The following CCNY variants were observed in gnomAD, a reference collection of about 807,000 sequenced individuals.
The protein encoded by CCNY is cyclin Y, also known as cyclin-Y.
A neutral mutation model predicts 42.8 loss-of-function variants in CCNY; 19 were observed. The observed-to-expected ratio is 0.44, with a 90% CI of 0.31 to 0.65. CCNY has a LOEUF of 0.65. CCNY is among the 30% of genes least tolerant of loss of function. The probability of loss-of-function intolerance (pLI) is 0.07; values close to 1 mark genes in which losing one functional copy is unlikely to be tolerated. For missense variants in CCNY, 370 were observed against 437.3 expected (o/e 0.85, Z 1.37); for synonymous variants, 165 against 162.7 (o/e 1.01, Z -0.11).
intron 1 of CCNY, among the ~76,000 whole-genome samples, chr10:35,477,547 T>A (rs1839544026): frequency 6.6e-6 from 1 of 152,002 alleles, no homozygotes; most frequent in Non-Finnish European, 1.5e-5. Flanking sequence ...CACGTGATTA[T>A]CTCAATAGAT....
intron 1 of CCNY, among the ~76,000 whole-genome samples, chr10:35,380,114 G>T (rs895020817): frequency 4.6e-5 from 7 of 152,204 alleles, no homozygotes; most frequent in African/African-American, 7.2e-5. Flanking sequence ...AAGCGAGTAG[G>T]ACTTGAACTC....
At chr10:35,533,998 T>C (rs534834218) in intron 7 of CCNY, among the ~76,000 whole-genome samples, 3 of 152,214 alleles carry the variant, frequency 2.0e-5, no homozygotes, top group Admixed American at 6.5e-5. Flanking sequence ...TTTTAGAACA[T>C]TGACACATTT....
At chr10:35,427,688 A>C (rs1193229962) in intron 1 of CCNY, among the ~76,000 whole-genome samples, 1 of 152,264 alleles carries the variant, frequency 6.6e-6, no homozygotes, top group East Asian at 1.9e-4. Context: ...TGTGTAAATA[A>C]ATAACGTAGG....
At chr10:35,533,324 T>C (rs1163833977) in intron 7 of CCNY, among the ~76,000 whole-genome samples, 1 of 152,180 alleles carries the variant, frequency 6.6e-6, no homozygotes, top group African/African-American at 2.4e-5. Context: ...CACGCTCCTC[T>C]GTTCAGAACC....
chr10:35,376,636 C>T (rs896341339), intron 1 of CCNY, among the ~76,000 whole-genome samples: 1 of 152,162 alleles, frequency 6.6e-6, no homozygotes, highest in Non-Finnish European at 1.5e-5. Flanking sequence ...GTTCCCAAAT[C>T]CGAAAAAGCC....
At chr10:35,380,977 T>G (rs1336745662) in intron 1 of CCNY, among the ~76,000 whole-genome samples, 1 of 152,190 alleles carries the variant, frequency 6.6e-6, no homozygotes, top group Non-Finnish European at 1.5e-5. Flanking sequence ...CCATTTTAAC[T>G]CTGATAGGCA....
intron 2 of CCNY, among the ~76,000 whole-genome samples, chr10:35,497,327 C>A (rs1840022024): frequency 6.6e-6 from 1 of 152,170 alleles, no homozygotes; most frequent in African/African-American, 2.4e-5. Context: ...ATAGCTAAAG[C>A]ATTTTGAATT....
intron 3 of CCNY, chr10:35,327,759 T>TA (rs1835897080): frequency 6.6e-6 from 1 of 152,266 alleles, no homozygotes; most frequent in Non-Finnish European, 1.5e-5. Flanking sequence ...GGGTGAGAGG[T>TA]ACGAGTCTTT....
chr10:35,311,188 C>T (rs1298407874), intron 3 of CCNY, among the ~76,000 whole-genome samples: 1 of 151,980 alleles, frequency 6.6e-6, no homozygotes, highest in Non-Finnish European at 1.5e-5. Context: ...CACGGTGGTG[C>T]ATTCCTGTAG....
chr10:35,362,341 G>GGA (rs1487469915), intron 1 of CCNY, among the ~76,000 whole-genome samples: 1 of 152,212 alleles, frequency 6.6e-6, no homozygotes. Flanking sequence ...ACAGTTTCAT[G>GGA]GAGAGAGAGA....
chr10:35,384,272 T>C (rs997334407), intron 1 of CCNY, among the ~76,000 whole-genome samples: 32 of 152,168 alleles, frequency 2.1e-4, no homozygotes, highest in Admixed American at 2.0e-3. Flanking sequence ...AAGATGATTT[T>C]GAGGGCATTA....
chr10:35,366,526 A>G (rs1163632997), intron 1 of CCNY, among the ~76,000 whole-genome samples: 6 of 152,234 alleles, frequency 3.9e-5, no homozygotes, highest in Non-Finnish European at 8.8e-5. Flanking sequence ...ATTATAAGTT[A>G]TTAGTGCTAT....
intron 3 of CCNY, among the ~76,000 whole-genome samples, chr10:35,261,981 A>G (rs527834087): frequency 6.6e-6 from 1 of 151,898 alleles, no homozygotes; most frequent in Admixed American, 6.6e-5. Flanking sequence ...AGATGGTACC[A>G]TTGCACTCCA....
chr10:35,269,370 G>A (rs1005090376), intron 3 of CCNY, among the ~76,000 whole-genome samples: 3 of 152,010 alleles, frequency 2.0e-5, no homozygotes, highest in Non-Finnish European at 1.5e-5. Flanking sequence ...AGGCTGGAGT[G>A]CAGTGGCAAA....
chr10:35,431,555 T>G (rs1838411171), intron 1 of CCNY, among the ~76,000 whole-genome samples: 1 of 151,510 alleles, frequency 6.6e-6, no homozygotes, highest in South Asian at 2.1e-4. Context: ...CTGTCATTGC[T>G]CTAACCTTTG....
intron 1 of CCNY, among the ~76,000 whole-genome samples, chr10:35,367,287 TGTATA>T (rs1387790997): frequency 2.0e-5 from 3 of 152,230 alleles, no homozygotes; most frequent in Admixed American, 1.3e-4. Flanking sequence ...TTTTATAGAC[TGTATA>T]GTATTCTATT....
intron 7 of CCNY, among the ~76,000 whole-genome samples, chr10:35,534,117 T>A (rs1840828635): frequency 6.6e-6 from 1 of 151,882 alleles, no homozygotes; most frequent in Non-Finnish European, 1.5e-5. Flanking sequence ...CACCTCCCAG[T>A]TTCAAACGAT....
intron 1 of CCNY, among the ~76,000 whole-genome samples, chr10:35,416,160 C>CGTGT (rs57188309): frequency 0.031 from 4,550 of 144,544 alleles, 107 homozygotes; most frequent in Admixed American, 0.063. Flanking sequence ...TTGTGGCACC[C>CGTGT]GTGTGTGTGT....
chr10:35,366,393 G>A (rs1219958417), intron 1 of CCNY, among the ~76,000 whole-genome samples: 2 of 152,212 alleles, frequency 1.3e-5, no homozygotes, highest in Non-Finnish European at 2.9e-5. Context: ...TAAGTGAACT[G>A]GCTCTGAATT....
Sources: allele counts gnomAD v4.1 joint callset (sites outside exome capture counted in the v4.1 genomes callset), GRCh38; gene constraint gnomAD v4.1.1; transcripts MANE v1.5; gene names NCBI Gene and HGNC (gene_info 2026-07-23, HGNC 2026-07-21).